The following DENND1A variants were observed in gnomAD, a reference collection of about 807,000 sequenced individuals.
DENND1A encodes the protein DENN domain-containing protein 1A.
Under a neutral mutation model 113.7 loss-of-function variants are expected in DENND1A, and 51 were observed. That is an observed-to-expected ratio of 0.45 (90% CI 0.36 to 0.57). DENND1A has a LOEUF of 0.57. Ranked by LOEUF, DENND1A falls within the 20% of genes least tolerant of loss-of-function variation. The probability of loss-of-function intolerance (pLI) is 0.00; values close to 1 mark genes in which losing one functional copy is unlikely to be tolerated. For synonymous variants in DENND1A, 565 were observed against 570.8 expected (o/e 0.99, Z 0.14); for missense variants, 1,258 against 1,395.9 (o/e 0.90, Z 1.57).
intron 19 of DENND1A, among the ~76,000 whole-genome samples, chr9:123,432,979 G>A (rs557525467): frequency 7.2e-5 from 11 of 152,286 alleles, no homozygotes; most frequent in South Asian, 4.1e-4. Flanking sequence ...GAGGGACTGC[G>A]CGCTCTGAGA....
intron 4 of DENND1A, among the ~76,000 whole-genome samples, chr9:123,760,591 A>G (rs1190720056): frequency 6.6e-6 from 1 of 152,264 alleles, no homozygotes; most frequent in Admixed American, 6.5e-5. Flanking sequence ...ACACATTTCT[A>G]TAAAAGTTAT....
intron 2 of DENND1A, among the ~76,000 whole-genome samples, chr9:123,848,241 A>C (rs900682569): frequency 1.5e-4 from 22 of 149,658 alleles, no homozygotes; most frequent in African/African-American, 4.2e-4. Flanking sequence ...AAAAAAAAAA[A>C]AAAAAAAAAA....
chr9:123,386,636 G>C (rs2042578002), intron 22 of DENND1A, among the ~76,000 whole-genome samples: 2 of 152,042 alleles, frequency 1.3e-5, no homozygotes, highest in African/African-American at 4.8e-5. Context: ...CGCCCGCTTT[G>C]GCCTCCCAAA....
chr9:123,546,365 A>G lies in DENND1A; in HGVS notation c.993+11205T>C, dbSNP rs564113377. On this transcript the variant is annotated intron_variant, in intron 13 of 23. Transcript: ENST00000394215. ...AGATCAAGACCATCCTGGCTAACAC[A>G]GTGAAACCCCGTCTCTACTAAAAAT... 2.8e-4 allele frequency among the ~76,000 whole-genome samples: 42 copies of G among 151,936 alleles called. No individual in the cohort carries two copies. The South Asian group carries it at 4.0e-3, about 14-fold the overall frequency.
chr9:123,887,143 A>C (rs1849218771), intron 1 of DENND1A, among the ~76,000 whole-genome samples: 1 of 152,228 alleles, frequency 6.6e-6, no homozygotes, highest in Non-Finnish European at 1.5e-5. Flanking sequence ...GGGCATTTGC[A>C]AAGGTGATAT....
At chr9:123,919,126 T>A (rs1855760830) in intron 1 of DENND1A, among the ~76,000 whole-genome samples, 1 of 152,184 alleles carries the variant, frequency 6.6e-6, no homozygotes, top group Admixed American at 6.5e-5. Context: ...CCGTTTTTTT[T>A]AAATTTGACA....
intron 13 of DENND1A, among the ~76,000 whole-genome samples, chr9:123,547,208 A>G (rs2056758005): frequency 6.6e-6 from 1 of 152,226 alleles, no homozygotes; most frequent in Admixed American, 6.5e-5. Flanking sequence ...ATTAAGCCTC[A>G]ATTATATTTT....
rs914854979 is a variant in DENND1A at position 123,382,099 on chromosome 9, G to C, written c.2546C>G (p.Pro849Arg). The change falls in exon 24 of 24, where the codon CCG (proline) becomes CGG (arginine). Residue 849 changes from proline (P) to arginine (R), a missense_variant. Pro to Arg is a moderately radical substitution (Grantham distance 103, BLOSUM62 -2). Around this residue, in one of 2 missense-constraint regions of DENND1A, gnomAD observed 1,159 missense variants for 1,231.7 expected, o/e 0.94. Transcript: ENST00000394215. The stretch of plus-strand genomic sequence containing the variant: ...GCTGCCTGACCAGGCTGTGCTGAGC[G>C]GGTCCAGGAGGGCGAGCAGGGCGTC... ...SSDALLALLD[P>R]LSTAWSGSTL... 2 of 1,552,006 alleles carry C rather than the reference G, an allele frequency of 1.3e-6. No individual in the cohort carries two copies. The highest frequency in any genetic ancestry group is 1.4e-5 in the African/African-American group (1 of 73,548).
chr9:123,427,969 G>A (rs779486258), intron 19 of DENND1A, among the ~76,000 whole-genome samples: 2 of 152,170 alleles, frequency 1.3e-5, no homozygotes, highest in Non-Finnish European at 2.9e-5. Context: ...GAGAATGGCC[G>A]TAGCAGAAGA....
rs114628303 is a variant in DENND1A, at chr9:123,917,133, G to A, written c.17+12756C>T. 5.9e-3 allele frequency among the ~76,000 whole-genome samples: 902 copies of A among 152,112 alleles called. 6 individuals carry two copies. The highest frequency in any genetic ancestry group is 0.02 in the African/African-American group (826 of 41,520). On this transcript the variant is annotated intron_variant, in intron 1 of 23. Transcript: ENST00000394215. ...CAGGAGGCAGAAATTGCAGTGAGCCGAAATCGTGCCACTGCACTCCAGCCC... is the reference window on the plus strand; with the variant it reads ...CAGGAGGCAGAAATTGCAGTGAGCCAAAATCGTGCCACTGCACTCCAGCCC...
chr9:123,839,549 A>G (rs1841528190), intron 2 of DENND1A, among the ~76,000 whole-genome samples: 1 of 152,160 alleles, frequency 6.6e-6, no homozygotes, highest in African/African-American at 2.4e-5. Flanking sequence ...CCCTTAATCC[A>G]CTTATCCAAT....
chr9:123,445,354 C>A (rs2047226045), intron 18 of DENND1A, among the ~76,000 whole-genome samples: 2 of 152,226 alleles, frequency 1.3e-5, no homozygotes, highest in African/African-American at 4.8e-5. Context: ...GCGGCCAGGG[C>A]ATTCCACCCC....
At chr9:123,776,299 G>A (rs979073685) in intron 3 of DENND1A, among the ~76,000 whole-genome samples, 7 of 152,202 alleles carry the variant, frequency 4.6e-5, no homozygotes, top group Non-Finnish European at 8.8e-5. Context: ...CCCAGTAACC[G>A]TATTAACGCA....
At chr9:123,684,220 TA>T (rs2140261070) in intron 5 of DENND1A, among the ~76,000 whole-genome samples, 1 of 152,270 alleles carries the variant, frequency 6.6e-6, no homozygotes, top group Non-Finnish European at 1.5e-5. Flanking sequence ...CGTGAACCCT[TA>T]AAATTGTTCA....
chr9:123,527,617 T>A (rs2054947703), intron 13 of DENND1A, among the ~76,000 whole-genome samples: 1 of 152,116 alleles, frequency 6.6e-6, no homozygotes, highest in Non-Finnish European at 1.5e-5. Flanking sequence ...CCTAGTTGGG[T>A]ACCCCCCTTG....
At chr9:123,780,246 C>A (rs898454948) in intron 3 of DENND1A, among the ~76,000 whole-genome samples, 1 of 152,170 alleles carries the variant, frequency 6.6e-6, no homozygotes, top group Non-Finnish European at 1.5e-5. Flanking sequence ...TCGCCTCTCC[C>A]AAGTTGACAC....
intron 4 of DENND1A, among the ~76,000 whole-genome samples, chr9:123,768,696 T>TA (rs1829227319): frequency 6.6e-6 from 1 of 151,830 alleles, no homozygotes; most frequent in Admixed American, 6.6e-5. Context: ...TAAATGAATG[T>TA]AAAAAACTAA....
chr9:123,847,256 CA>C (rs907183347), intron 2 of DENND1A, among the ~76,000 whole-genome samples: 4 of 149,590 alleles, frequency 2.7e-5, no homozygotes, highest in South Asian at 2.1e-4. Context: ...TGAAAACACA[CA>C]AAAAAAATGG....
chr9:123,666,317 A>C (rs2063491182), intron 8 of DENND1A, among the ~76,000 whole-genome samples: 1 of 152,224 alleles, frequency 6.6e-6, no homozygotes, highest in South Asian at 2.1e-4. Flanking sequence ...TTTTGAAAAC[A>C]TGTCATGCAG....
Sources: allele counts gnomAD v4.1 joint callset (sites outside exome capture counted in the v4.1 genomes callset), GRCh38; gene constraint gnomAD v4.1.1; regional missense constraint gnomAD v4.1.1; transcripts MANE v1.5; gene names NCBI Gene and HGNC (gene_info 2026-07-23, HGNC 2026-07-21).